GLT1D1: variants seen among roughly 807,000 people sequenced by gnomAD.
The protein encoded by GLT1D1 is glycosyltransferase 1 domain containing 1.
Under a neutral mutation model 28.7 loss-of-function variants are expected in GLT1D1, and 21 were observed. The ratio of observed to expected loss-of-function variants is 0.73; its 90% CI spans 0.52 to 1.05. The LOEUF is 1.05. Among genes scored for constraint, GLT1D1 ranks in the 50% least tolerant of loss-of-function variants. The pLI is 0.00. For synonymous variants in GLT1D1, 147 were observed against 124.8 expected (o/e 1.18, Z -1.19); for missense variants, 343 against 330.6 (o/e 1.04, Z -0.29).
chr12:128,885,090 A>G (rs866392987), intron 2 of GLT1D1, among the ~76,000 whole-genome samples: 1 of 152,002 alleles, frequency 6.6e-6, no homozygotes, highest in Non-Finnish European at 1.5e-5. Flanking sequence ...CAATGTATAC[A>G]TATTTTAAAA....
intron 1 of GLT1D1, among the ~76,000 whole-genome samples, chr12:128,871,663 TTGGTCATTTTA>T (rs1956692023): frequency 6.6e-6 from 1 of 152,180 alleles, no homozygotes; most frequent in Non-Finnish European, 1.5e-5. Flanking sequence ...TCCTAGCAAC[TTGGTCATTTTA>T]TGAACACAGT....
intron 3 of GLT1D1, among the ~76,000 whole-genome samples, chr12:128,891,908 C>G (rs559114947): frequency 6.6e-6 from 1 of 152,130 alleles, no homozygotes; most frequent in South Asian, 2.1e-4. Flanking sequence ...GACACGTGCC[C>G]AAGGTGGTCA....
At chr12:128,890,953 C>T (rs1366431535) in intron 3 of GLT1D1, among the ~76,000 whole-genome samples, 3 of 151,970 alleles carry the variant, frequency 2.0e-5, no homozygotes, top group East Asian at 1.9e-4. Context: ...GAGCTGAGAT[C>T]GTGCCATTGC....
chr12:128,979,505 G>A (rs995648260), intron 7 of GLT1D1, among the ~76,000 whole-genome samples: 1 of 152,196 alleles, frequency 6.6e-6, no homozygotes, highest in Non-Finnish European at 1.5e-5. Flanking sequence ...GCCCCTGGAT[G>A]TGTGATGGGC....
chr12:128,922,946 A>G (rs11060016), intron 4 of GLT1D1, among the ~76,000 whole-genome samples: 20,977 of 139,224 alleles, frequency 0.15, 1,800 homozygotes, highest in Non-Finnish European at 0.22. Flanking sequence ...AAAAAAAAAA[A>G]GAGTATTAAG....
chr12:128,911,459 C>T (rs1277552190), intron 4 of GLT1D1, among the ~76,000 whole-genome samples: 1 of 152,232 alleles, frequency 6.6e-6, no homozygotes, highest in African/African-American at 2.4e-5. Context: ...TATCCCTACA[C>T]CGAGGAAGGA....
At chr12:128,970,173 G>T (rs12231568) in intron 7 of GLT1D1, among the ~76,000 whole-genome samples, 17,927 of 152,252 alleles carry the variant, frequency 0.12, 1,235 homozygotes, top group East Asian at 0.27. Flanking sequence ...GCCAGGGTCT[G>T]TGGAGGACCC....
rs1879688325 is a variant in GLT1D1 at position 128,975,512 on chromosome 12, G to A, written c.640-7417G>A. Among the ~76,000 whole-genome samples, 3 of 152,126 alleles carry A rather than the reference G, an allele frequency of 2.0e-5. No homozygotes were observed. In the South Asian group the frequency reaches 6.2e-4, roughly 32 times the overall value. ...GTCACCCAAGCTGGAGTGCAGTGGC[G>A]CTATCTCAGCTCACTGCAACCTCCA... On this transcript the variant is annotated intron_variant, in intron 7 of 7. Transcript: ENST00000281703.
chr12:128,857,573 G>T (rs1330597930), intron 1 of GLT1D1, among the ~76,000 whole-genome samples: 1 of 152,066 alleles, frequency 6.6e-6, no homozygotes, highest in Admixed American at 6.6e-5. Flanking sequence ...GGGGAGGGAG[G>T]TTCCCTTGGT....
At chr12:128,955,585 A>G (rs1877192873) in intron 6 of GLT1D1, among the ~76,000 whole-genome samples, 1 of 150,066 alleles carries the variant, frequency 6.7e-6, no homozygotes, top group Non-Finnish European at 1.5e-5. Flanking sequence ...GTGTCTCTTT[A>G]GTGTCCCCCA....
chr12:128,892,524 A>G (rs1042243494), intron 3 of GLT1D1, among the ~76,000 whole-genome samples: 2 of 152,168 alleles, frequency 1.3e-5, no homozygotes, highest in Admixed American at 1.3e-4. Context: ...CAGTATTATT[A>G]TTAGTATTAT....
At chr12:128,864,066 C>T (rs1373511070) in intron 1 of GLT1D1, 28 of 563,720 alleles carry the variant, frequency 5.0e-5, no homozygotes, top group East Asian at 4.3e-4. Context: ...TGGCTTGTGC[C>T]GCTGTGTGCA....
chr12:128,976,539 C>T (rs1211220454), intron 7 of GLT1D1, among the ~76,000 whole-genome samples: 2 of 152,250 alleles, frequency 1.3e-5, no homozygotes, highest in Admixed American at 1.3e-4. Context: ...CTCCCATCGA[C>T]AAGCTGTCGT....
chr12:128,874,116 C>CTTTCTTTCTT (rs1555261626), intron 1 of GLT1D1, among the ~76,000 whole-genome samples: 1 of 59,542 alleles, frequency 1.7e-5, no homozygotes, highest in Non-Finnish European at 2.9e-5. Flanking sequence ...CTCTCTCTCT[C>CTTTCTTTCTT]TCTCTCTCTC....
chr12:128,924,665 C>T (rs1873004862), intron 4 of GLT1D1, among the ~76,000 whole-genome samples: 1 of 152,008 alleles, frequency 6.6e-6, no homozygotes, highest in African/African-American at 2.4e-5. Flanking sequence ...CCATCTTGGC[C>T]TGGCTGATGT....
chr12:128,855,293 G>A (rs574794363), intron 1 of GLT1D1, among the ~76,000 whole-genome samples: 54 of 151,476 alleles, frequency 3.6e-4, no homozygotes, highest in Non-Finnish European at 5.7e-4. Flanking sequence ...CTTTCATGGC[G>A]GCTCAAGCCT....
At chr12:128,946,947 C>A (rs1404583432) in intron 5 of GLT1D1, among the ~76,000 whole-genome samples, 3 of 152,186 alleles carry the variant, frequency 2.0e-5, no homozygotes, top group South Asian at 2.1e-4. Flanking sequence ...CTGCACCCGG[C>A]CTATTTCTAT....
At chr12:128,976,584 T>C (rs545778842) in intron 7 of GLT1D1, among the ~76,000 whole-genome samples, 1 of 152,188 alleles carries the variant, frequency 6.6e-6, no homozygotes, top group Non-Finnish European at 1.5e-5. Context: ...TCGGGGCTGT[T>C]TAGTTTAACA....
At chr12:128,904,913 T>C (rs12422741) in intron 4 of GLT1D1, among the ~76,000 whole-genome samples, 71,153 of 151,600 alleles carry the variant, frequency 0.47, 17,208 homozygotes, top group Admixed American at 0.62. Context: ...GGATTACAGG[T>C]GACTGCCACT....
Sources: gnomAD v4.1 joint callset for allele counts (sites outside exome capture counted in the v4.1 genomes callset) on GRCh38, gnomAD v4.1.1 for gene constraint, MANE v1.5 for transcripts, NCBI Gene and HGNC (gene_info 2026-07-23, HGNC 2026-07-21) for gene names.